INSC: variants seen among roughly 807,000 people sequenced by gnomAD.
INSC encodes INSC spindle orientation adaptor protein.
Under a neutral mutation model 58.6 loss-of-function variants are expected in INSC, and 67 were observed. The ratio of observed to expected loss-of-function variants is 1.14; its 90% confidence interval spans 0.94 to 1.40. The LOEUF is 1.40. Ranked by LOEUF, INSC falls within the 40% of genes most tolerant of loss-of-function variation. The pLI is 0.00. For missense variants in INSC, 714 were observed against 692.0 expected (o/e 1.03, Z -0.36); for synonymous variants, 262 against 276.1 (o/e 0.95, Z 0.51).
chr11:15,140,815 C>G (rs530142630), intron 1 of INSC, among the ~76,000 whole-genome samples: 106 of 152,048 alleles, frequency 7.0e-4, no homozygotes, highest in African/African-American at 2.5e-3. Flanking sequence ...AAACTCCTGG[C>G]TTCAGGTGAC....
At chr11:15,159,045 G>C (rs1245641749) in intron 2 of INSC, among the ~76,000 whole-genome samples, 1 of 152,158 alleles carries the variant, frequency 6.6e-6, no homozygotes, top group Non-Finnish European at 1.5e-5. Flanking sequence ...TGTAGGACTT[G>C]AGACAGGCAA....
intron 7 of INSC, among the ~76,000 whole-genome samples, chr11:15,210,033 T>G (rs1850958918): frequency 6.6e-6 from 1 of 152,200 alleles, no homozygotes; most frequent in African/African-American, 2.4e-5. Context: ...CCCAAGTTCT[T>G]AGGTCTCAAA....
At position 15,175,721 on chromosome 11, in the gene INSC, G is replaced by T. The variant is rs930991038; in HGVS notation, c.57-20G>T. 1 of 1,516,188 alleles carries T rather than the reference G, an allele frequency of 6.6e-7. No homozygotes were observed. 93.9% of individuals were successfully genotyped at this position (1,516,188 alleles called of 1,614,324 possible). On this transcript the variant is annotated intron_variant, in intron 2 of 12. Coordinates refer to ENST00000379556, the MANE Select transcript of INSC (RefSeq NM_001042536.3). ...TCATGGGGTGTTGATAATTATCGTGGTGCTGTTTCCTGGTTGCAGGCTACA... is the reference window on the plus strand; with the variant it reads ...TCATGGGGTGTTGATAATTATCGTGTTGCTGTTTCCTGGTTGCAGGCTACA...
intron 1 of INSC, among the ~76,000 whole-genome samples, chr11:15,146,632 C>T (rs1437015016): frequency 1.3e-5 from 2 of 152,184 alleles, no homozygotes; most frequent in Non-Finnish European, 2.9e-5. Flanking sequence ...CAGCTAACAG[C>T]CCAGAGGCTC....
At chr11:15,232,087 T>A (rs1400488543) in intron 9 of INSC, among the ~76,000 whole-genome samples, 2 of 152,226 alleles carry the variant, frequency 1.3e-5, no homozygotes, top group East Asian at 1.9e-4. Flanking sequence ...TGCCTCAATT[T>A]TCATGTCTTT....
intron 7 of INSC, 50 bp downstream of exon 7, chr11:15,200,999 G>T (rs1458350089): frequency 8.4e-6 from 13 of 1,554,332 alleles, no homozygotes; most frequent in East Asian, 2.4e-5. Context: ...CCAGGTAGGG[G>T]TGAGGTCCAG....
chr11:15,175,792 G>T lies in INSC; in HGVS notation c.108G>T (p.Lys36Asn), dbSNP rs1263562649. The T allele has an allele frequency of 6.2e-7, 1 of 1,601,856 alleles. No individual in the cohort carries two copies. The highest frequency in any genetic ancestry group is 8.5e-7 in the Non-Finnish European group (1 of 1,170,584). The change falls in exon 3 of 13, where the codon AAG (lysine) becomes AAT (asparagine). Residue 36 changes from lysine to asparagine, a missense_variant. Transcript: ENST00000379556. ...TCCAGCGCTGGATGGAAGATCTGAA[G>T]CTCATGACCGAGTGCGAGTGCATGT... ...DSVQRWMEDLKLMTECECMCV... is the reference protein window; with the variant it reads ...DSVQRWMEDLNLMTECECMCV...
At chr11:15,204,660 G>A (rs944836502) in intron 7 of INSC, among the ~76,000 whole-genome samples, 2 of 152,224 alleles carry the variant, frequency 1.3e-5, no homozygotes, top group African/African-American at 2.4e-5. Context: ...GGTGAGTGAA[G>A]GTGGAGTGGG....
chr11:15,124,809 A>G (rs987941278), intron 1 of INSC, among the ~76,000 whole-genome samples: 1 of 152,202 alleles, frequency 6.6e-6, no homozygotes, highest in African/African-American at 2.4e-5. Context: ...GCCACATTAG[A>G]TAACAGCATC....
Position 15,225,765 on chromosome 11 carries a change from C to T in INSC, c.1107C>T (p.Ile369=). 6.2e-7 allele frequency: 1 copy of T among 1,614,066 alleles called. No homozygotes were observed. ...ACEMLLQLNA[I]RVLLEACSDK... ...AGATGCTCCTGCAGTTGAATGCCAT[C>T]CGTGTTCTCCTGGAAGCCTGCAGTG... Residue 369 remains isoleucine (I), a synonymous_variant, in exon 9 of 13, where the codon ATC becomes ATT. Transcript: ENST00000379556.
At chr11:15,116,839 T>TTCTTTC in intron 1 of INSC, among the ~76,000 whole-genome samples, 1 of 46,348 alleles carries the variant, frequency 2.2e-5, no homozygotes, top group African/African-American at 1.4e-4. Flanking sequence ...CTTTCTTTCT[T>TTCTTTC]TCTTTCTTTC....
chr11:15,172,268 T>C (rs979364939), intron 2 of INSC, among the ~76,000 whole-genome samples: 4 of 152,148 alleles, frequency 2.6e-5, no homozygotes, highest in Non-Finnish European at 4.4e-5. Flanking sequence ...ATAATCACAG[T>C]TTTTCCATCT....
intron 1 of INSC, among the ~76,000 whole-genome samples, chr11:15,138,063 G>C (rs1454447107): frequency 6.6e-6 from 1 of 152,152 alleles, no homozygotes; most frequent in East Asian, 1.9e-4. Flanking sequence ...GGGGAACAGG[G>C]AGCCCAGAGG....
rs1564917511 is a variant in INSC, at chr11:15,229,994, TATATATATATATATATATAA to T, written c.1170+4167_1170+4186del. Reference sequence around the variant, plus strand: ...TATATATATATTATATATATATATATATATATATATATATATATAATATATATATATATATATATATATAT... The same window carrying T: ...TATATATATATTATATATATATATATTATATATATATATATATATATATAT... On this transcript the variant is annotated intron_variant, in intron 9 of 12. Transcript: ENST00000379556. Among the ~76,000 whole-genome samples, 71 of 27,444 alleles carry T rather than the reference TATATATATATATATATATAA, an allele frequency of 2.6e-3. 2 individuals carry two copies. Among genetic ancestry groups the T allele is most frequent in the African/African-American group, 9.9e-3 (60 of 6,086 alleles). 18.0% of individuals were successfully genotyped at this position (27,444 alleles called of 152,430 possible). A position where few individuals can be genotyped will look rare whatever the true frequency, so the allele number is the denominator to read the frequency against.
intron 6 of INSC, among the ~76,000 whole-genome samples, chr11:15,198,666 A>G (rs534791419): frequency 9.2e-5 from 14 of 152,162 alleles, no homozygotes; most frequent in Non-Finnish European, 2.1e-4. Flanking sequence ...ATAAATATAT[A>G]TCCATATATA....
chr11:15,257,889 T>G, the INSC span, among the ~76,000 whole-genome samples: 1 of 152,130 alleles, frequency 6.6e-6, no homozygotes, highest in Non-Finnish European at 1.5e-5. Flanking sequence ...GAATTTCTGT[T>G]ACTTAAGCCA....
intron 7 of INSC, among the ~76,000 whole-genome samples, chr11:15,211,035 G>A (rs1473566242): frequency 6.6e-6 from 1 of 152,108 alleles, no homozygotes; most frequent in Non-Finnish European, 1.5e-5. Flanking sequence ...AAGAGAGACA[G>A]GGAGAAGGAA....
At chr11:15,239,419 A>G (rs1187865597) in intron 11 of INSC, among the ~76,000 whole-genome samples, 1 of 152,130 alleles carries the variant, frequency 6.6e-6, no homozygotes, top group Non-Finnish European at 1.5e-5. Flanking sequence ...TCACTTGTTC[A>G]TTTACTCATT....
chr11:15,132,576 C>T (rs765525253), intron 1 of INSC, among the ~76,000 whole-genome samples: 2 of 152,168 alleles, frequency 1.3e-5, no homozygotes, highest in Admixed American at 6.5e-5. Context: ...CATGAGTCAA[C>T]GTGCCCGGCC....
Sources: allele counts gnomAD v4.1 joint callset (sites outside exome capture counted in the v4.1 genomes callset), GRCh38; gene constraint gnomAD v4.1.1; transcripts MANE v1.5; gene names NCBI Gene and HGNC (gene_info 2026-07-23, HGNC 2026-07-21).